The following DNAAF9 variants were observed in gnomAD, a reference collection of about 807,000 sequenced individuals.
DNAAF9 encodes dynein axonemal assembly factor 9.
In DNAAF9, 90 loss-of-function variants were observed where a neutral mutation model predicts 167.0. That is an observed-to-expected ratio of 0.54 (90% CI 0.45 to 0.64). The LOEUF (loss-of-function observed/expected upper bound fraction) is 0.64, where lower values mean the gene tolerates loss of function less well. DNAAF9 is among the 30% of genes least tolerant of loss of function. The pLI is 0.00. For missense variants in DNAAF9, 1,315 were observed against 1,442.2 expected (o/e 0.91, Z 1.43); for synonymous variants, 491 against 508.8 (o/e 0.96, Z 0.47).
intron 1 of DNAAF9, among the ~76,000 whole-genome samples, chr20:3,396,725 G>C (rs1347822405): frequency 6.6e-6 from 1 of 152,130 alleles, no homozygotes; most frequent in African/African-American, 2.4e-5. Flanking sequence ...TATGGCTGGA[G>C]CAGAGTAGGT....
At position 3,371,492 on chromosome 20, in the gene DNAAF9, T is replaced by C. The variant is rs1003140979; in HGVS notation, c.612+2556A>G. On this transcript the variant is annotated intron_variant, in intron 6 of 36. Transcript: ENST00000252032. ...CCGAGTAGCTGGGACTACAGGCGCC[T>C]GCCACCACGCCCGGCTAATTTTTTG... is the stretch of plus-strand genomic sequence containing the variant. Among the ~76,000 whole-genome samples, 233 of 151,840 alleles carry C rather than the reference T, an allele frequency of 1.5e-3. 1 individual carries two copies. Among genetic ancestry groups the C allele is most frequent in the African/African-American group, 4.8e-3 (198 of 41,468 alleles).
intron 10 of DNAAF9, among the ~76,000 whole-genome samples, chr20:3,334,260 G>C (rs1360914240): frequency 1.6e-4 from 24 of 152,178 alleles, no homozygotes; most frequent in Admixed American, 1.6e-3. Flanking sequence ...TGCCGCCTCA[G>C]CTCCACTGGG....
intron 27 of DNAAF9, among the ~76,000 whole-genome samples, chr20:3,286,154 G>A (rs747785382): frequency 6.6e-6 from 1 of 152,158 alleles, no homozygotes; most frequent in Non-Finnish European, 1.5e-5. Context: ...GGCCCAGCTG[G>A]TAAGAACAGC....
chr20:3,300,639 G>C (rs895393085), intron 21 of DNAAF9, among the ~76,000 whole-genome samples: 2 of 148,714 alleles, frequency 1.3e-5, no homozygotes, highest in African/African-American at 4.9e-5. Context: ...TTTGAGGCTG[G>C]GTGCACTCCA....
intron 6 of DNAAF9, among the ~76,000 whole-genome samples, chr20:3,367,641 C>T (rs1475087734): frequency 6.6e-6 from 1 of 152,034 alleles, no homozygotes; most frequent in Non-Finnish European, 1.5e-5. Context: ...AACGAGGGAA[C>T]AGCCAGTCAG....
chr20:3,281,956 C>T (rs1348992180), intron 27 of DNAAF9, among the ~76,000 whole-genome samples, 190 bp from the exon 28 acceptor site: 3 of 152,124 alleles, frequency 2.0e-5, no homozygotes, highest in Non-Finnish European at 4.4e-5. Context: ...TTCTACATTC[C>T]CAAGTTCCAT....
chr20:3,400,283 A>C (rs147538524), intron 1 of DNAAF9, among the ~76,000 whole-genome samples: 428 of 152,322 alleles, frequency 2.8e-3, no homozygotes, highest in African/African-American at 9.8e-3. Flanking sequence ...CCTGGAACAG[A>C]AAAAGAATGT....
At chr20:3,253,593 A>G (rs774462627) in intron 36 of DNAAF9, 133 bp downstream of exon 36, 28 of 663,738 alleles carry the variant, frequency 4.2e-5, no homozygotes, top group Non-Finnish European at 7.4e-5. Flanking sequence ...TTCCTGACCC[A>G]TCAGTGGACA....
intron 23 of DNAAF9, chr20:3,296,495 G>A (rs753972338): frequency 2.3e-4 from 65 of 282,490 alleles, no homozygotes; most frequent in Non-Finnish European, 4.0e-4. Flanking sequence ...CTTCCACCCC[G>A]GCCTCCTGAC....
At chr20:3,272,768 A>G (rs1232891753) in intron 29 of DNAAF9, among the ~76,000 whole-genome samples, 1 of 152,202 alleles carries the variant, frequency 6.6e-6, no homozygotes, top group African/African-American at 2.4e-5. Flanking sequence ...CTTAAAAAAG[A>G]TTCAATGCTC....
chr20:3,316,869 C>T, intron 17 of DNAAF9, 76 bp from the exon 18 acceptor site: 3 of 903,926 alleles, frequency 3.3e-6, no homozygotes, highest in South Asian at 1.5e-5. Flanking sequence ...ACCCTAAATG[C>T]CCTTCTCAGG....
At chr20:3,339,862 C>T (rs1004632589) in intron 10 of DNAAF9, among the ~76,000 whole-genome samples, 1 of 152,170 alleles carries the variant, frequency 6.6e-6, no homozygotes, top group Non-Finnish European at 1.5e-5. Context: ...TGCACTCTAG[C>T]CTGGGTGACA....
At chr20:3,351,819 T>C (rs2070330779) in intron 7 of DNAAF9, among the ~76,000 whole-genome samples, 1 of 146,890 alleles carries the variant, frequency 6.8e-6, no homozygotes, top group African/African-American at 2.6e-5. Context: ...TATGCTATTT[T>C]CTGAGTTTGT....
chr20:3,307,099 A>G, intron 20 of DNAAF9: 1 of 985,190 alleles, frequency 1.0e-6, no homozygotes, highest in Non-Finnish European at 1.2e-6. Context: ...CAGATTGGAG[A>G]AGCTGGCACA....
At chr20:3,306,414 GAA>G (rs753146671) in intron 20 of DNAAF9, among the ~76,000 whole-genome samples, 3 of 152,202 alleles carry the variant, frequency 2.0e-5, no homozygotes, top group Non-Finnish European at 4.4e-5. Context: ...TCTGTTAAAA[GAA>G]AGGAATGGGA....
intron 3 of DNAAF9, 123 bp downstream of exon 3, chr20:3,381,256 C>A: frequency 2.6e-6 from 2 of 776,656 alleles, no homozygotes; most frequent in South Asian, 3.0e-5. Context: ...CTTTAAAAAG[C>A]AAACGTTTAC....
chr20:3,361,819 T>G, intron 6 of DNAAF9: 1 of 1,382,872 alleles, frequency 7.2e-7, no homozygotes, highest in Non-Finnish European at 9.9e-7. Context: ...TACTGAAAAA[T>G]GAAGACTGCT....
At chr20:3,263,508 C>T (rs564069215) in intron 31 of DNAAF9, among the ~76,000 whole-genome samples, 25 of 152,180 alleles carry the variant, frequency 1.6e-4, no homozygotes, top group Non-Finnish European at 2.9e-4. Context: ...AAGCTCTGAG[C>T]CATTCAACCT....
At chr20:3,373,968 A>C in intron 6 of DNAAF9, 80 bp downstream of exon 6, 1 of 853,640 alleles carries the variant, frequency 1.2e-6, no homozygotes, top group Non-Finnish European at 2.0e-6. Flanking sequence ...TGGTGTTATA[A>C]TAATGCACAC....
Sources: gnomAD v4.1 joint callset for allele counts (sites outside exome capture counted in the v4.1 genomes callset) on GRCh38, gnomAD v4.1.1 for gene constraint, MANE v1.5 for transcripts, NCBI Gene and HGNC (gene_info 2026-07-23, HGNC 2026-07-21) for gene names.